TDRD12: variants seen among roughly 807,000 people sequenced by gnomAD.
TDRD12 encodes the protein tudor domain containing 12, also known as putative ATP-dependent RNA helicase TDRD12.
Under a neutral mutation model 133.5 loss-of-function variants are expected in TDRD12, and 158 were observed. The observed-to-expected ratio is 1.18, with a 90% confidence interval of 1.04 to 1.35. TDRD12 has a LOEUF of 1.35. Ranked by LOEUF, TDRD12 falls within the 40% of genes most tolerant of loss-of-function variation. The pLI, the probability that TDRD12 is intolerant of heterozygous loss-of-function variation, is 0.00. For synonymous variants in TDRD12, 460 were observed against 477.9 expected (o/e 0.96, Z 0.49); for missense variants, 1,443 against 1,321.3 (o/e 1.09, Z -1.43).
chr19:32,777,812 C>CATATATATATATATATAT (rs1165802411), intron 11 of TDRD12, among the ~76,000 whole-genome samples: 3 of 27,682 alleles, frequency 1.1e-4, no homozygotes, highest in Admixed American at 7.9e-4. Context: ...AACTGATTTA[C>CATATATATATATATATAT]ATATATATAT....
chr19:32,779,597 T>G (rs1970703337), intron 11 of TDRD12, among the ~76,000 whole-genome samples: 2 of 151,920 alleles, frequency 1.3e-5, no homozygotes, highest in South Asian at 4.1e-4. Context: ...TTTTTGGGTG[T>G]TCAAGAGAAA....
intron 8 of TDRD12, among the ~76,000 whole-genome samples, chr19:32,762,833 G>C (rs1445533629): frequency 2.0e-5 from 3 of 152,160 alleles, no homozygotes; most frequent in Non-Finnish European, 4.4e-5. Flanking sequence ...AGGTGATTTT[G>C]GTGTGCAAAC....
At chr19:32,730,843 C>T (rs1351081323) in intron 1 of TDRD12, among the ~76,000 whole-genome samples, 1 of 152,144 alleles carries the variant, frequency 6.6e-6, no homozygotes, top group African/African-American at 2.4e-5. Flanking sequence ...TGATGAAATC[C>T]TGTCTCTACT....
exon 26 of TDRD12, chr19:32,815,521 T>C: frequency 6.5e-7 from 1 of 1,536,434 alleles, no homozygotes. Context: ...ATTTTGTCCA[T>C]GGGCATGGGC....
At chr19:32,755,470 C>G (rs1969965209) in intron 6 of TDRD12, among the ~76,000 whole-genome samples, 1 of 152,200 alleles carries the variant, frequency 6.6e-6, no homozygotes, top group Admixed American at 6.5e-5. Context: ...TGCTTATTTG[C>G]AATCTTCAGA....
At chr19:32,796,837 A>T (rs1971242243) in intron 14 of TDRD12, among the ~76,000 whole-genome samples, 1 of 152,042 alleles carries the variant, frequency 6.6e-6, no homozygotes, top group Non-Finnish European at 1.5e-5. Context: ...GCCCACCTGG[A>T]TCTGTATGAA....
intron 11 of TDRD12, among the ~76,000 whole-genome samples, chr19:32,784,207 TG>T (rs887056260): frequency 3.3e-5 from 5 of 152,242 alleles, no homozygotes; most frequent in Non-Finnish European, 7.3e-5. Context: ...GAAAGGCTGT[TG>T]AATTTTGTCG....
At chr19:32,752,131 C>T (rs984184666) in intron 6 of TDRD12, among the ~76,000 whole-genome samples, 31 of 152,146 alleles carry the variant, frequency 2.0e-4, no homozygotes, top group Non-Finnish European at 1.8e-4. Flanking sequence ...GTCTCAGCCT[C>T]CCAAAGTGCT....
intron 1 of TDRD12, among the ~76,000 whole-genome samples, chr19:32,730,365 T>G (rs1441007489): frequency 6.6e-6 from 1 of 152,146 alleles, no homozygotes; most frequent in Non-Finnish European, 1.5e-5. Flanking sequence ...GGAAAAGCCG[T>G]GTAAAAGTGG....
chr19:32,765,332 G>A (rs1398400627), intron 8 of TDRD12, among the ~76,000 whole-genome samples: 2 of 152,194 alleles, frequency 1.3e-5, no homozygotes, highest in East Asian at 1.9e-4. Flanking sequence ...TCAGTGTGGC[G>A]ATTCCCCAGG....
Position 32,738,186 on chromosome 19 carries a change from G to A in TDRD12, c.184-670G>A, listed in dbSNP as rs138947794. 2.9e-3 allele frequency among the ~76,000 whole-genome samples: 443 copies of A among 152,260 alleles called. 3 individuals are homozygous for A. The highest frequency in any genetic ancestry group is 1.0e-2 in the African/African-American group (415 of 41,562). ...AAGGGAGTGGAAGGATGAGCCTGGT[G>A]GCAGCTTCCTGTTGGTCAGACACAT... On this transcript the variant is annotated intron_variant, in intron 2 of 27. Transcript: ENST00000444215.
chr19:32,731,657 TA>T, intron 1 of TDRD12, 67 bp from the exon 2 acceptor site: 1 of 1,369,572 alleles, frequency 7.3e-7, no homozygotes, highest in Non-Finnish European at 9.6e-7. Flanking sequence ...ATCGTGGCTC[TA>T]AAGTTTATTT....
downstream of TDRD12, among the ~76,000 whole-genome samples, chr19:32,825,818 T>C (rs1967570414): frequency 6.6e-6 from 1 of 152,160 alleles, no homozygotes; most frequent in Admixed American, 6.5e-5. The surrounding 1 kb of genome is among the most constrained non-coding windows in gnomAD (Gnocchi z 4.1). Context: ...AGGCAGAGGT[T>C]GCAGTGAGTC....
chr19:32,745,604 G>A (rs907512044), intron 4 of TDRD12, among the ~76,000 whole-genome samples: 1 of 152,154 alleles, frequency 6.6e-6, no homozygotes, highest in African/African-American at 2.4e-5. Flanking sequence ...ATGTATTCAT[G>A]TGATTATTGT....
At chr19:32,782,740 T>A (rs6510291) in intron 11 of TDRD12, among the ~76,000 whole-genome samples, 9,653 of 152,308 alleles carry the variant, frequency 0.063, 522 homozygotes, top group East Asian at 0.24. Flanking sequence ...TTTTTTCATA[T>A]GTCTATTGGC....
At chr19:32,744,687 G>A (rs35348375) in intron 4 of TDRD12, among the ~76,000 whole-genome samples, 2,450 of 152,018 alleles carry the variant, frequency 0.016, 24 homozygotes, top group Non-Finnish European at 0.023. Context: ...TCTCGGGTGC[G>A]GGCGCCATGT....
chr19:32,745,411 T>TTACA (rs1969572773), intron 4 of TDRD12, among the ~76,000 whole-genome samples: 1 of 152,250 alleles, frequency 6.6e-6, no homozygotes, highest in South Asian at 2.1e-4. Context: ...AACGTGTGTA[T>TTACA]TACAGTTTTA....
chr19:32,740,092 C>T (rs1969370318), intron 3 of TDRD12, among the ~76,000 whole-genome samples: 1 of 130,626 alleles, frequency 7.7e-6, no homozygotes, highest in South Asian at 2.8e-4. Flanking sequence ...CTCTGCATCT[C>T]CTGGGCACTC....
chr19:32,744,889 C>G (rs1969555591), intron 4 of TDRD12, among the ~76,000 whole-genome samples: 1 of 152,238 alleles, frequency 6.6e-6, no homozygotes, highest in Non-Finnish European at 1.5e-5. Context: ...ACTGTGTACT[C>G]TGAACTCAGA....
Sources: allele counts gnomAD v4.1 joint callset (sites outside exome capture counted in the v4.1 genomes callset), GRCh38; gene constraint gnomAD v4.1.1; non-coding constraint Gnocchi (gnomAD v3.1); transcripts MANE v1.5; gene names NCBI Gene and HGNC (gene_info 2026-07-23, HGNC 2026-07-21).